CACNA1A: variants seen among roughly 807,000 people sequenced by gnomAD.
CACNA1A encodes calcium voltage-gated channel subunit alpha1 A.
A neutral mutation model predicts 262.4 loss-of-function variants in CACNA1A; 57 were observed. The ratio of observed to expected loss-of-function variants is 0.22; its 90% CI spans 0.18 to 0.27. The LOEUF (loss-of-function observed/expected upper bound fraction) is 0.27, where lower values mean the gene tolerates loss of function less well. Among genes scored for constraint, CACNA1A ranks in the 10% least tolerant of loss-of-function variants. CACNA1A has a pLI of 1.00. For synonymous variants in CACNA1A, 1,431 were observed against 1,419.3 expected, an observed-to-expected ratio of 1.01 and a Z score of -0.18; for missense variants, 2,526 against 3,562.8, an observed-to-expected ratio of 0.71 and a Z score of 7.41.
intron 1 of CACNA1A, among the ~76,000 whole-genome samples, chr19:13,455,653 T>C (rs2060992365): frequency 6.6e-6 from 1 of 151,986 alleles, no homozygotes; most frequent in Non-Finnish European, 1.5e-5. Context: ...ATATGCTATG[T>C]TATGTAGTAA....
At chr19:13,352,279 T>A (rs62109120) in intron 6 of CACNA1A, among the ~76,000 whole-genome samples, 1 of 151,760 alleles carries the variant, frequency 6.6e-6, no homozygotes, top group Non-Finnish European at 1.5e-5. Context: ...TGCTGGTGCA[T>A]GCCTATAGTC....
chr19:13,403,373 T>C (rs373885169), intron 3 of CACNA1A, among the ~76,000 whole-genome samples: 5 of 152,212 alleles, frequency 3.3e-5, no homozygotes, highest in East Asian at 3.9e-4. Flanking sequence ...TTATCTCCAT[T>C]TTATAGATAA....
chr19:13,228,679 G>A lies in CACNA1A; in HGVS notation c.5529-1152C>T, dbSNP rs1425881157. On this transcript the variant is annotated intron_variant, in intron 36 of 46. Coordinates refer to ENST00000360228, the MANE Select transcript of CACNA1A (RefSeq NM_001127222.2). Reference sequence around the variant, plus strand: ...CACACTCATTCCATGGATGCTAGCAGGTTTTAGTGGAAGTCAAACCTTGCA... The same window carrying A: ...CACACTCATTCCATGGATGCTAGCAAGTTTTAGTGGAAGTCAAACCTTGCA... The A allele has an allele frequency of 7.3e-7, 1 of 1,365,874 alleles. No individual in the cohort carries two copies. The highest frequency in any genetic ancestry group is 1.0e-6 in the Non-Finnish European group (1 of 977,680). The allele number at this position is 1,365,874 out of a possible 1,614,324, so 84.6% of individuals were successfully genotyped here. A position where few individuals can be genotyped will look rare whatever the true frequency, so the allele number is the denominator to read the frequency against.
chr19:13,331,755 G>A (rs947861588), intron 9 of CACNA1A, among the ~76,000 whole-genome samples: 1 of 151,860 alleles, frequency 6.6e-6, no homozygotes, highest in Non-Finnish European at 1.5e-5. Flanking sequence ...CGACCTCTTG[G>A]GCTCAAGTGA....
intron 45 of CACNA1A, 102 bp downstream of exon 45, chr19:13,209,210 G>T (rs1048300714): frequency 1.5e-6 from 2 of 1,354,488 alleles, no homozygotes; most frequent in Non-Finnish European, 2.0e-6. Context: ...CTCCATGGAG[G>T]CCTCTCCCTT....
At chr19:13,363,157 C>A (rs2059140497) in intron 5 of CACNA1A, 1 of 152,148 alleles carries the variant, frequency 6.6e-6, no homozygotes, top group South Asian at 2.1e-4. Context: ...CCCCTCAAAA[C>A]CCCACTCGGA....
At chr19:13,209,635 G>T in intron 44 of CACNA1A, 137 bp from the exon 45 acceptor site, 1 of 556,342 alleles carries the variant, frequency 1.8e-6, no homozygotes. Flanking sequence ...GGGGCCAGGG[G>T]ATGCCATGGG....
intron 12 of CACNA1A, among the ~76,000 whole-genome samples, chr19:13,310,515 T>TATATATATATAGAGAGAG (rs1555760547): frequency 1.4e-5 from 1 of 69,372 alleles, no homozygotes; most frequent in Non-Finnish European, 2.6e-5. Flanking sequence ...TATATATATG[T>TATATATATATAGAGAGAG]AGAGAGAGAG....
chr19:13,272,417 CTG>C (rs1197621664), intron 24 of CACNA1A: 2 of 152,290 alleles, frequency 1.3e-5, no homozygotes, highest in Non-Finnish European at 2.9e-5. Flanking sequence ...GCATGTCCTC[CTG>C]TGTCCTGGGA....
chr19:13,479,503 A>G (rs554564363), intron 1 of CACNA1A, among the ~76,000 whole-genome samples: 1 of 152,280 alleles, frequency 6.6e-6, no homozygotes, highest in Non-Finnish European at 1.5e-5. Context: ...GAGGCCAGAG[A>G]TGCTCGTGGG....
chr19:13,415,785 C>T (rs115420879), intron 3 of CACNA1A, among the ~76,000 whole-genome samples: 5,099 of 107,986 alleles, frequency 0.047, 308 homozygotes, highest in African/African-American at 0.15. Context: ...TAGATGGGGC[C>T]TCAGAATTCA....
chr19:13,274,532 G>A (rs554870100), intron 24 of CACNA1A: 16 of 152,356 alleles, frequency 1.1e-4, no homozygotes, highest in African/African-American at 3.8e-4. Flanking sequence ...TCACCATGAT[G>A]GGCACAGCCA....
At chr19:13,336,149 G>T (rs1354748281) in intron 6 of CACNA1A, among the ~76,000 whole-genome samples, 1 of 152,166 alleles carries the variant, frequency 6.6e-6, no homozygotes, top group Non-Finnish European at 1.5e-5. Flanking sequence ...ATTGACCTGG[G>T]AATGGAGTAA....
chr19:13,356,046 G>A (rs2059002467), intron 6 of CACNA1A, among the ~76,000 whole-genome samples: 1 of 152,140 alleles, frequency 6.6e-6, no homozygotes, highest in Non-Finnish European at 1.5e-5. Context: ...GGACGAGGGT[G>A]GGATGTAAAT....
At chr19:13,315,196 C>CTTTTTTTTTTTTTTTTTTTTTTTTTTTTT (rs60520404) in intron 11 of CACNA1A, 1 of 109,700 alleles carries the variant, frequency 9.1e-6, no homozygotes, top group Non-Finnish European at 1.8e-5. Context: ...TAATGTGTAT[C>CTTTTTTTTTTTTTTTTTTTTTTTTTTTTT]TTTTTTTTTT....
chr19:13,219,677 C>T (rs1001951833), intron 38 of CACNA1A, among the ~76,000 whole-genome samples: 7 of 152,142 alleles, frequency 4.6e-5, no homozygotes, highest in South Asian at 2.1e-4. Flanking sequence ...ACCGGAGGCC[C>T]GGTGCGGTGG....
Position 13,506,305 on chromosome 19 carries a change from G to T in CACNA1A, c.-81C>A. 1 of 1,267,166 alleles carries T rather than the reference G, an allele frequency of 7.9e-7. No individual in the cohort carries two copies. Among genetic ancestry groups the T allele is most frequent in the Non-Finnish European group, 1.0e-6 (1 of 976,520 alleles). The allele number at this position is 1,267,166 out of a possible 1,614,324, so 78.5% of individuals were successfully genotyped here. On this transcript the variant is annotated 5_prime_UTR_variant, in exon 1 of 47. Coordinates refer to ENST00000360228, the MANE Select transcript of CACNA1A (RefSeq NM_001127222.2). ...CGCCGCCGCCGCCGCCGCCGCTGAT[G>T]CTGAGGCTGCCGGGGCTGGGAGCGC...
chr19:13,236,305 C>G lies in CACNA1A; in HGVS notation c.4951-575G>C, dbSNP rs2055873011. ...GTTACGCTCCGGGCCAGAAATGCAT[C>G]TGTCACGGGACTCACCGGGCACCCT... On this transcript the variant is annotated intron_variant, in intron 31 of 46. Transcript: ENST00000360228. This position sits in a 1 kb window ranked among gnomAD's most constrained non-coding sequence, Gnocchi z 4.6. The G allele has an allele frequency of 6.5e-6, 1 of 154,992 alleles. No individual in the cohort carries two copies. Among genetic ancestry groups the G allele is most frequent in the Non-Finnish European group, 1.4e-5 (1 of 69,768 alleles). The allele number at this position is 154,992 out of a possible 1,614,324, so 9.6% of individuals were successfully genotyped here. A position where few individuals can be genotyped will look rare whatever the true frequency, so the allele number is the denominator to read the frequency against.
At chr19:13,289,858 G>A (rs1400622939) in intron 19 of CACNA1A, among the ~76,000 whole-genome samples, 1 of 151,218 alleles carries the variant, frequency 6.6e-6, no homozygotes, top group African/African-American at 2.4e-5. Context: ...TTATATTCTG[G>A]AAACATACAA....
Sources: allele counts gnomAD v4.1 joint callset (sites outside exome capture counted in the v4.1 genomes callset), GRCh38; gene constraint gnomAD v4.1.1; non-coding constraint Gnocchi (gnomAD v3.1); transcripts MANE v1.5; gene names NCBI Gene and HGNC (gene_info 2026-07-23, HGNC 2026-07-21).